HTT: variants seen among roughly 807,000 people sequenced by gnomAD.
HTT encodes huntingtin.
A neutral mutation model predicts 362.3 loss-of-function variants in HTT; 104 were observed. The observed-to-expected ratio is 0.29, with a 90% CI of 0.24 to 0.34. The LOEUF is 0.34. HTT is among the 10% of genes least tolerant of loss of function. HTT has a pLI of 1.00. For missense variants in HTT, 3,301 were observed against 3,928.6 expected (o/e 0.84, Z 4.27); for synonymous variants, 1,577 against 1,548.7 (o/e 1.02, Z -0.43).
rs557959306 is a variant in HTT at position 3,158,827 on chromosome 4, A to T, written c.3754-1455A>T. Among the ~76,000 whole-genome samples the T allele has an allele frequency of 2.0e-3, 310 of 152,200 alleles. 1 individual carries two copies. Among genetic ancestry groups the T allele is most frequent in the Admixed American group, 3.8e-3 (58 of 15,286 alleles). ...CATGTTGAAAAATGCCGTAGAGAAG[A>T]TACTTCTTTTCCACCTGTTTTCAAC... On this transcript the variant is annotated intron_variant, in intron 28 of 66. Transcript: ENST00000355072.
At chr4:3,120,444 GTGGT>G (rs1329356610) in intron 8 of HTT, among the ~76,000 whole-genome samples, 1 of 152,112 alleles carries the variant, frequency 6.6e-6, no homozygotes, top group Non-Finnish European at 1.5e-5. Context: ...AGGCTGCAGA[GTGGT>G]ACTGGTCCAT....
chr4:3,114,308 A>G (rs1714914039), intron 6 of HTT, among the ~76,000 whole-genome samples: 1 of 152,184 alleles, frequency 6.6e-6, no homozygotes, highest in African/African-American at 2.4e-5. Context: ...TGTGGGCATT[A>G]GGGCCATTAT....
At position 3,136,367 on chromosome 4, in the gene HTT, A is replaced by C; in HGVS notation, c.2798+41A>C. ...TTATCTCTTTTCCTTTTTTGGTTGA[A>C]GTACTAAAAGATACGAGAATGGAAA... On this transcript the variant is annotated intron_variant, in intron 21 of 66. Coordinates refer to ENST00000355072, the MANE Select transcript of HTT (RefSeq NM_001388492.1). 3.8e-6 allele frequency: 4 copies of C among 1,065,880 alleles called. No homozygotes were observed. The South Asian group carries it at 5.4e-5, about 14-fold the overall frequency. 66.0% of individuals were successfully genotyped at this position (1,065,880 alleles called of 1,614,324 possible).
At chr4:3,146,706 C>G in intron 24 of HTT, 91 bp from the exon 25 acceptor site, 2 of 1,112,448 alleles carry the variant, frequency 1.8e-6, no homozygotes, top group Middle Eastern at 4.0e-4. Flanking sequence ...TGTATTGTGA[C>G]ATGCCTTCCT....
At position 3,209,883 on chromosome 4, in the gene HTT, G is replaced by T. The variant is rs760416403; in HGVS notation, c.6348G>T (p.Leu2116=). ...GTTGGACCAGGTCAGATTCTGCACTGCTGGAAGGTGCAGAGCTGGTGAATC... is the reference window on the plus strand; with the variant it reads ...GTTGGACCAGGTCAGATTCTGCACTTCTGGAAGGTGCAGAGCTGGTGAATC... ...SQCWTRSDSA[L]LEGAELVNRI... is the part of the protein sequence containing the mutation. The change falls in exon 47 of 67, where the codon CTG becomes CTT. Residue 2116 remains leucine, a synonymous_variant. Coordinates refer to ENST00000355072, the MANE Select transcript of HTT (RefSeq NM_001388492.1). 1 of 1,613,984 alleles carries T rather than the reference G, an allele frequency of 6.2e-7. No individual in the cohort carries two copies. The highest frequency in any genetic ancestry group is 8.5e-7 in the Non-Finnish European group (1 of 1,179,844).
intron 27 of HTT, 43 bp downstream of exon 27, chr4:3,154,462 C>G: frequency 6.2e-7 from 1 of 1,603,094 alleles, no homozygotes; most frequent in South Asian, 1.1e-5. Flanking sequence ...AGTGCAGCAT[C>G]TGTCATGTAG....
At chr4:3,107,821 C>T (rs1298643212) in intron 6 of HTT, among the ~76,000 whole-genome samples, 1 of 152,192 alleles carries the variant, frequency 6.6e-6, no homozygotes, top group Non-Finnish European at 1.5e-5. Context: ...CTGTTGGCTT[C>T]CTGTTGTGCA....
intron 1 of HTT, among the ~76,000 whole-genome samples, chr4:3,083,584 C>T (rs981944166): frequency 1.6e-5 from 2 of 123,184 alleles, no homozygotes; most frequent in African/African-American, 5.9e-5. Flanking sequence ...CACACACACA[C>T]ACATATATAT....
chr4:3,203,386 T>C (rs1366191372), intron 41 of HTT, among the ~76,000 whole-genome samples: 1 of 152,210 alleles, frequency 6.6e-6, no homozygotes, highest in Non-Finnish European at 1.5e-5. Context: ...GAGGGGCAGT[T>C]TGGGAGTGTG....
At chr4:3,100,544 C>A (rs961043873) in intron 3 of HTT, among the ~76,000 whole-genome samples, 2 of 152,230 alleles carry the variant, frequency 1.3e-5, no homozygotes, top group African/African-American at 2.4e-5. Context: ...TCTCCGCTTG[C>A]AATTCCTGCT....
intron 2 of HTT, 130 bp downstream of exon 2, chr4:3,087,152 C>CAT (rs1713250489): frequency 1.9e-6 from 1 of 537,024 alleles, no homozygotes; most frequent in East Asian, 2.9e-5. Flanking sequence ...GAAGAAGGAC[C>CAT]CTTTTCCCAT....
At chr4:3,188,895 G>C (rs1263403456) in intron 39 of HTT, 56 bp from the exon 40 acceptor site, 11 of 1,514,078 alleles carry the variant, frequency 7.3e-6, no homozygotes, top group Non-Finnish European at 1.0e-5. Context: ...TATACTTGGC[G>C]TAAGTGCTTT....
rs1467213992 is a variant in HTT at position 3,243,625 on chromosome 4, G to A, written c.*3566G>A. The stretch of plus-strand genomic sequence containing the variant: ...TCAAAGGAACGCCTTCCCCTCAGTT[G>A]TTTCTAAGAGCAGAGTCTCCCGCTG... On this transcript the variant is annotated 3_prime_UTR_variant, in exon 67 of 67. Transcript: ENST00000355072. The A allele has an allele frequency of 1.3e-5, 2 of 152,296 alleles. No individual in the cohort carries two copies. The highest frequency in any genetic ancestry group is 2.4e-5 in the African/African-American group (1 of 41,466). 9.4% of individuals were successfully genotyped at this position (152,296 alleles called of 1,614,324 possible).
chr4:3,077,871 C>G (rs1385710387), intron 1 of HTT, among the ~76,000 whole-genome samples: 1 of 129,318 alleles, frequency 7.7e-6, no homozygotes, highest in East Asian at 1.9e-4. Flanking sequence ...TTTTGAGTAA[C>G]AAACACTGCT....
At chr4:3,075,628 C>T (rs1283968911) in intron 1 of HTT, among the ~76,000 whole-genome samples, 1 of 110,048 alleles carries the variant, frequency 9.1e-6, no homozygotes. Context: ...TTTAGGACGC[C>T]TCGGCGGGAG....
intron 50 of HTT, 148 bp downstream of exon 50, chr4:3,214,283 C>T: frequency 1.9e-6 from 1 of 531,568 alleles, no homozygotes; most frequent in South Asian, 6.1e-5. Context: ...AGGGCTGGGC[C>T]CCATCTCTTA....
rs141061243 is a variant in HTT at position 3,214,398 on chromosome 4, A to G, written c.6952+263A>G. ...CAGCTTTCATCAAAAATACCTCTAA[A>G]CTTTATGTCTCTGTGATCTTTGGTC... On this transcript the variant is annotated intron_variant, in intron 50 of 66. Coordinates refer to ENST00000355072, the MANE Select transcript of HTT (RefSeq NM_001388492.1). Among the ~76,000 whole-genome samples, 382 of 151,968 alleles carry G rather than the reference A, an allele frequency of 2.5e-3. 1 individual carries two copies. Among genetic ancestry groups the G allele is most frequent in the African/African-American group, 8.7e-3 (362 of 41,456 alleles).
Position 3,174,793 on chromosome 4 carries a change from A to G in HTT, c.4239A>G (p.Ala1413=). The G allele has an allele frequency of 1.2e-6, 2 of 1,614,066 alleles. No homozygotes were observed. Among genetic ancestry groups the G allele is most frequent in the South Asian group, 2.2e-5 (2 of 91,058 alleles). Residue 1413 remains alanine (A), a synonymous_variant, in exon 32 of 67, where the codon GCA becomes GCG. Coordinates refer to ENST00000355072, the MANE Select transcript of HTT (RefSeq NM_001388492.1). The part of the protein sequence containing the change: ...TNLTSVTKNR[A]DKNAIHNHIR... The stretch of plus-strand genomic sequence containing the variant: ...TCACGAGTGTCACAAAGAACCGTGC[A>G]GATAAGGTAAATGGTGCCGTTTGTG...
intron 28 of HTT, 27 bp from the exon 29 acceptor site, chr4:3,160,255 G>T (rs1467321348): frequency 7.1e-7 from 1 of 1,401,272 alleles, no homozygotes. Flanking sequence ...GCCAGTAACC[G>T]TGTGTTCTCT....
Sources: gnomAD v4.1 joint callset for allele counts (sites outside exome capture counted in the v4.1 genomes callset) on GRCh38, gnomAD v4.1.1 for gene constraint, MANE v1.5 for transcripts, NCBI Gene and HGNC (gene_info 2026-07-23, HGNC 2026-07-21) for gene names.